Variants in KCNQ5 observed in about 807,000 individuals in gnomAD.
KCNQ5 encodes potassium voltage-gated channel subfamily KQT member 5.
KCNQ5 carries 30 observed loss-of-function variants against 98.2 expected under a neutral mutation model. The observed-to-expected ratio is 0.31, with a 90% CI of 0.23 to 0.41. KCNQ5 has a LOEUF of 0.41. Ranked by LOEUF, KCNQ5 falls within the 10% of genes least tolerant of loss-of-function variation. KCNQ5 has a pLI of 1.00. For missense variants in KCNQ5, 835 were observed against 1,182.5 expected, an observed-to-expected ratio of 0.71 and a Z score of 4.31; for synonymous variants, 458 against 449.4, an observed-to-expected ratio of 1.02 and a Z score of -0.24.
chr6:72,677,342 T>C (rs1314308334), intron 1 of KCNQ5: 1 of 152,194 alleles, frequency 6.6e-6, no homozygotes, highest in Non-Finnish European at 1.5e-5. Flanking sequence ...TCTAGACAAT[T>C]TGGGAACCTC....
At chr6:72,954,166 C>T (rs1239494049) in intron 1 of KCNQ5, among the ~76,000 whole-genome samples, 1 of 152,136 alleles carries the variant, frequency 6.6e-6, no homozygotes, top group Non-Finnish European at 1.5e-5. Flanking sequence ...TGACACAGAA[C>T]AAGTTTCACT....
At chr6:73,025,309 C>T (rs1449095121) in intron 2 of KCNQ5, among the ~76,000 whole-genome samples, 1 of 152,126 alleles carries the variant, frequency 6.6e-6, no homozygotes, top group Non-Finnish European at 1.5e-5. Context: ...GATAAGCAAG[C>T]ATTCTACAAA....
intron 3 of KCNQ5, among the ~76,000 whole-genome samples, chr6:73,068,027 G>A (rs1270898351): frequency 1.3e-5 from 2 of 152,104 alleles, no homozygotes; most frequent in African/African-American, 4.8e-5. Context: ...CAGGTGCAAT[G>A]ACTCACACCT....
chr6:72,746,881 G>T (rs1771434044), intron 1 of KCNQ5, among the ~76,000 whole-genome samples: 1 of 152,102 alleles, frequency 6.6e-6, no homozygotes, highest in Admixed American at 6.5e-5. Context: ...TAATGTAGTA[G>T]TTGCGGAAAA....
chr6:73,079,309 C>T (rs1209437034), intron 5 of KCNQ5, among the ~76,000 whole-genome samples: 1 of 152,180 alleles, frequency 6.6e-6, no homozygotes, highest in East Asian at 1.9e-4. Context: ...TTTTAAACCA[C>T]CCTTAGTATT....
intron 1 of KCNQ5, among the ~76,000 whole-genome samples, chr6:72,696,865 ATAG>A (rs1482513570): frequency 2.0e-5 from 3 of 152,184 alleles, no homozygotes; most frequent in Non-Finnish European, 2.9e-5. Flanking sequence ...ATATATAGTG[ATAG>A]TAGTAATTTT....
At chr6:73,162,600 C>A (rs1777656033) in intron 10 of KCNQ5, among the ~76,000 whole-genome samples, 1 of 152,126 alleles carries the variant, frequency 6.6e-6, no homozygotes, top group Non-Finnish European at 1.5e-5. Flanking sequence ...AAATATAGCC[C>A]CTCCTAAGTA....
intron 9 of KCNQ5, among the ~76,000 whole-genome samples, chr6:73,130,151 G>A (rs1306648898): frequency 1.3e-5 from 2 of 152,224 alleles, no homozygotes; most frequent in Non-Finnish European, 2.9e-5. Flanking sequence ...TTATGGCTCA[G>A]TTGCCATATT....
chr6:73,074,918 T>C (rs1360821623), intron 3 of KCNQ5, among the ~76,000 whole-genome samples: 1 of 152,158 alleles, frequency 6.6e-6, no homozygotes, highest in Non-Finnish European at 1.5e-5. Flanking sequence ...CTTTCTACAC[T>C]TGGGAGAAAG....
chr6:73,034,538 G>A (rs994144021), intron 2 of KCNQ5, among the ~76,000 whole-genome samples: 1 of 152,180 alleles, frequency 6.6e-6, no homozygotes, highest in African/African-American at 2.4e-5. Flanking sequence ...AATGAACAGT[G>A]CTGTTAATTA....
intron 2 of KCNQ5, among the ~76,000 whole-genome samples, chr6:73,012,894 C>G (rs1770150738): frequency 6.6e-6 from 1 of 151,674 alleles, no homozygotes; most frequent in Non-Finnish European, 1.5e-5. Flanking sequence ...ATATAGCCTA[C>G]TTCATAAGGC....
In KCNQ5 at chr6:73,003,970, A is replaced by G. The variant is rs780586301; in HGVS notation, c.461A>G (p.Lys154Arg). 1.2e-6 allele frequency: 2 copies of G among 1,612,806 alleles called. No homozygotes were observed. Among genetic ancestry groups the G allele is most frequent in the Admixed American group, 1.7e-5 (1 of 59,954 alleles). Reference protein sequence around the residue: ...SVFSTIPEHTKLASSCLLILE... With the variant: ...SVFSTIPEHTRLASSCLLILE... The stretch of plus-strand genomic sequence containing the variant: ...TTTTCTACCATCCCTGAGCACACAA[A>G]ATTGGCCTCAAGTTGCCTCTTGATC... The change falls in exon 2 of 14, where the codon AAA becomes AGA. Residue 154 changes from lysine to arginine, a missense_variant. By Grantham distance (26) the Lys-to-Arg change is conservative. Around this residue, in one of 10 missense-constraint regions of KCNQ5, gnomAD observed 20 missense variants for 16.1 expected, o/e 1.24. Coordinates refer to ENST00000370398, the MANE Select transcript of KCNQ5 (RefSeq NM_019842.4).
At position 72,862,595 on chromosome 6, in the gene KCNQ5, G is replaced by GA. The variant is rs1465908102; in HGVS notation, c.399-141307dup. Among the ~76,000 whole-genome samples, 3 of 152,126 alleles carry GA rather than the reference G, an allele frequency of 2.0e-5. No homozygotes were observed. In the East Asian group the frequency reaches 5.8e-4, roughly 29 times the overall value. On this transcript the variant is annotated intron_variant, in intron 1 of 13. Transcript: ENST00000370398. ...GTCCAGTGAGTCCATTAGGCTAGGG[G>GA]AAAAAACCTAGCCAATGTCTTCCTA...
chr6:73,122,176 A>T (rs761442269), intron 8 of KCNQ5, among the ~76,000 whole-genome samples: 28 of 152,212 alleles, frequency 1.8e-4, no homozygotes, highest in Non-Finnish European at 4.0e-4. Flanking sequence ...AAAATTATAT[A>T]GAAATTGTAT....
chr6:73,005,240 G>C (rs377215990), intron 2 of KCNQ5, among the ~76,000 whole-genome samples: 4 of 152,330 alleles, frequency 2.6e-5, no homozygotes, highest in Admixed American at 2.6e-4. Context: ...CCATTTGCAA[G>C]CTTTCCCTTT....
At chr6:73,085,393 C>G (rs1289232014) in intron 5 of KCNQ5, among the ~76,000 whole-genome samples, 1 of 152,192 alleles carries the variant, frequency 6.6e-6, no homozygotes, top group Non-Finnish European at 1.5e-5. Flanking sequence ...GGGGACAAAA[C>G]TGCCACCCTG....
intron 2 of KCNQ5, among the ~76,000 whole-genome samples, chr6:73,007,385 G>A (rs1343600012): frequency 6.6e-6 from 1 of 152,120 alleles, no homozygotes; most frequent in Non-Finnish European, 1.5e-5. Context: ...TCACTCCACT[G>A]TGCCTTAGTT....
At chr6:72,930,580 A>C (rs75691985) in intron 1 of KCNQ5, among the ~76,000 whole-genome samples, 1 of 48,788 alleles carries the variant, frequency 2.0e-5, no homozygotes. Context: ...ACATTTTACC[A>C]AAAAAAAAAA....
Position 73,080,810 on chromosome 6 carries a change from G to A in KCNQ5, c.918+2923G>A, listed in dbSNP as rs910791840. ...AATATAGGTTTTGTTCCACAGATAC[G>A]CTGTGCCAGTGAATTTTCAATACTA... On this transcript the variant is annotated intron_variant, in intron 5 of 13. Coordinates refer to ENST00000370398, the MANE Select transcript of KCNQ5 (RefSeq NM_019842.4). Among the ~76,000 whole-genome samples, 6 of 152,108 alleles carry A rather than the reference G, an allele frequency of 3.9e-5. No homozygotes were observed. The South Asian group carries it at 6.2e-4, about 16-fold the overall frequency.
Sources: gnomAD v4.1 joint callset for allele counts (sites outside exome capture counted in the v4.1 genomes callset) on GRCh38, gnomAD v4.1.1 for gene constraint, gnomAD v4.1.1 regional missense constraint, MANE v1.5 for transcripts, NCBI Gene and HGNC (gene_info 2026-07-23, HGNC 2026-07-21) for gene names.